The following DLGAP4 variants were observed in gnomAD, a reference collection of about 807,000 sequenced individuals.
The protein encoded by DLGAP4 is DLG associated protein 4, also known as disks large-associated protein 4.
Under a neutral mutation model 86.9 loss-of-function variants are expected in DLGAP4, and 18 were observed. That is an observed-to-expected ratio of 0.21 (90% CI 0.14 to 0.31). The LOEUF is 0.31. Among genes scored for constraint, DLGAP4 ranks in the 10% least tolerant of loss-of-function variants. The pLI is 1.00. For missense variants in DLGAP4, 1,085 were observed against 1,362.6 expected, an observed-to-expected ratio of 0.80 and a Z score of 3.21; for synonymous variants, 548 against 574.3, an observed-to-expected ratio of 0.95 and a Z score of 0.65.
Position 36,514,985 on chromosome 20 carries a change from C to T in DLGAP4, c.2513-9265C>T, listed in dbSNP as rs1306201939. On this transcript the variant is annotated intron_variant, in intron 10 of 12. Transcript: ENST00000339266. Reference sequence around the variant, plus strand: ...AAGGAGGTGGAGAGGACGCGTAGGACGTCTCTGGAGAGCAGATTTGAAACT... The same window carrying T: ...AAGGAGGTGGAGAGGACGCGTAGGATGTCTCTGGAGAGCAGATTTGAAACT... 2.0e-5 allele frequency among the ~76,000 whole-genome samples: 3 copies of T among 152,026 alleles called. No individual in the cohort carries two copies. The East Asian group carries it at 5.8e-4, about 29-fold the overall frequency.
intron 2 of DLGAP4, among the ~76,000 whole-genome samples, chr20:36,415,759 CA>C (rs1670897641): frequency 6.6e-6 from 1 of 152,154 alleles, no homozygotes; most frequent in Admixed American, 6.5e-5. Flanking sequence ...ACACTATCTC[CA>C]GGGGCAGGCT....
intron 2 of DLGAP4, among the ~76,000 whole-genome samples, chr20:36,396,650 A>G (rs1354961016): frequency 1.3e-5 from 2 of 151,518 alleles, no homozygotes; most frequent in Non-Finnish European, 2.9e-5. Flanking sequence ...CACCACACAC[A>G]CACACACCAC....
At chr20:36,413,849 GAAT>G (rs1290333122) in intron 2 of DLGAP4, among the ~76,000 whole-genome samples, 4 of 152,146 alleles carry the variant, frequency 2.6e-5, no homozygotes, top group Admixed American at 2.6e-4. Flanking sequence ...TCTTATGGCA[GAAT>G]AATATTCCAT....
intron 2 of DLGAP4, among the ~76,000 whole-genome samples, chr20:36,406,020 G>A (rs1331664179): frequency 6.6e-6 from 1 of 152,192 alleles, no homozygotes; most frequent in Non-Finnish European, 1.5e-5. Context: ...GCTGTTGGAA[G>A]CTAGGGCCAT....
At chr20:36,322,612 A>G (rs1322830767) in intron 1 of DLGAP4, among the ~76,000 whole-genome samples, 1 of 152,172 alleles carries the variant, frequency 6.6e-6, no homozygotes, top group African/African-American at 2.4e-5. Flanking sequence ...TATAAATGGT[A>G]GCTCATATAA....
At chr20:36,383,353 G>A (rs6103042) in intron 2 of DLGAP4, among the ~76,000 whole-genome samples, 9 of 152,210 alleles carry the variant, frequency 5.9e-5, no homozygotes, top group African/African-American at 2.2e-4. Flanking sequence ...GAGTGGGACA[G>A]GCTGAAGGAT....
At chr20:36,317,276 TTA>T (rs1267482836) in intron 1 of DLGAP4, among the ~76,000 whole-genome samples, 736 of 8,932 alleles carry the variant, frequency 0.082, 26 homozygotes, top group African/African-American at 0.23. Context: ...TCTTTCTTTC[TTA>T]TCTTTCTTTC....
intron 1 of DLGAP4, among the ~76,000 whole-genome samples, chr20:36,359,187 T>C (rs905530552): frequency 1.3e-5 from 2 of 152,202 alleles, no homozygotes; most frequent in Non-Finnish European, 2.9e-5. Context: ...TGGCACGATC[T>C]CGGCTCACTG....
chr20:36,316,861 TC>T (rs1249772483), intron 1 of DLGAP4, among the ~76,000 whole-genome samples: 1 of 152,168 alleles, frequency 6.6e-6, no homozygotes, highest in Non-Finnish European at 1.5e-5. Context: ...CTCACCTGGA[TC>T]TGGCACTAAG....
intron 10 of DLGAP4, among the ~76,000 whole-genome samples, chr20:36,504,865 G>A (rs1322591558): frequency 6.6e-6 from 1 of 152,110 alleles, no homozygotes; most frequent in Non-Finnish European, 1.5e-5. Context: ...TTGTTACTGA[G>A]TTGTAAGTCC....
At chr20:36,370,980 A>C (rs1299424122) in intron 2 of DLGAP4, among the ~76,000 whole-genome samples, 3 of 152,240 alleles carry the variant, frequency 2.0e-5, no homozygotes, top group Admixed American at 2.0e-4. Flanking sequence ...TTTAATCTTC[A>C]GAACAACCTT....
chr20:36,381,979 A>T (rs1012759114), intron 2 of DLGAP4, among the ~76,000 whole-genome samples: 1 of 152,128 alleles, frequency 6.6e-6, no homozygotes, highest in Non-Finnish European at 1.5e-5. Flanking sequence ...TGCCCACCCC[A>T]GTGTCTGAGT....
At chr20:36,363,881 G>A (rs1465333609) in intron 1 of DLGAP4, among the ~76,000 whole-genome samples, 1 of 152,162 alleles carries the variant, frequency 6.6e-6, no homozygotes, top group African/African-American at 2.4e-5. Context: ...CAATGATCGT[G>A]GCAATGGTTA....
In DLGAP4 at chr20:36,393,589, G is replaced by T. The variant is rs1030884849; in HGVS notation, c.-73+26314G>T. Among the ~76,000 whole-genome samples the T allele has an allele frequency of 3.9e-5, 6 of 152,178 alleles. No individual in the cohort carries two copies. Among genetic ancestry groups the T allele is most frequent in the Admixed American group, 1.3e-4 (2 of 15,286 alleles). ...GGGAGCACAGGGAAGCGAGCCAGCC[G>T]CTGTGGAGACTGACCCAGGCCAGAG... On this transcript the variant is annotated intron_variant, in intron 2 of 12. Transcript: ENST00000339266. This position sits in a 1 kb window ranked among gnomAD's most constrained non-coding sequence, Gnocchi z 4.4.
chr20:36,381,097 A>C (rs144976568), intron 2 of DLGAP4, among the ~76,000 whole-genome samples: 42 of 152,396 alleles, frequency 2.8e-4, no homozygotes, highest in African/African-American at 9.9e-4. Context: ...TTTAATGTAC[A>C]TAAAATAATC....
intron 2 of DLGAP4, among the ~76,000 whole-genome samples, chr20:36,379,422 G>T (rs1022239999): frequency 1.3e-5 from 2 of 152,238 alleles, no homozygotes; most frequent in Non-Finnish European, 2.9e-5. Context: ...GGGAATTCTG[G>T]ACCAGGGAGA....
rs2036033057 is a variant in DLGAP4 at position 36,499,385 on chromosome 20, GC to G, written c.2011-200del. The G allele has an allele frequency of 1.1e-5, 12 of 1,088,060 alleles. No individual in the cohort carries two copies. The Admixed American group carries it at 3.5e-4, about 32-fold the overall frequency. 67.4% of individuals were successfully genotyped at this position (1,088,060 alleles called of 1,614,324 possible). On this transcript the variant is annotated intron_variant, in intron 8 of 12. Transcript: ENST00000339266. The stretch of plus-strand genomic sequence containing the variant: ...CGCCCACCTGCCCGCCCGCCCGCCT[GC>G]CCGCCTCCACGCGAATGAGCAGTGC...
chr20:36,496,553 C>T, intron 7 of DLGAP4, 152 bp from the exon 8 acceptor site: 13 of 1,293,256 alleles, frequency 1.0e-5, no homozygotes, highest in East Asian at 2.5e-5. Context: ...TCTTGACCCT[C>T]GTTCTCCCTG....
At chr20:36,462,241 CCT>C in intron 7 of DLGAP4, 2 of 1,217,136 alleles carry the variant, frequency 1.6e-6, no homozygotes, top group African/African-American at 1.6e-5. Context: ...TTCAGGAGCT[CCT>C]CTCTGCTTTC....
Sources: gnomAD v4.1 joint callset for allele counts (sites outside exome capture counted in the v4.1 genomes callset) on GRCh38, gnomAD v4.1.1 for gene constraint, Gnocchi (gnomAD v3.1) non-coding constraint, MANE v1.5 for transcripts, NCBI Gene and HGNC (gene_info 2026-07-23, HGNC 2026-07-21) for gene names.